Variants in SPOCK1 observed in about 807,000 individuals in gnomAD.
SPOCK1 encodes the protein testican-1.
Under a neutral mutation model 55.3 loss-of-function variants are expected in SPOCK1, and 23 were observed. That is an observed-to-expected ratio of 0.42 (90% confidence interval 0.30 to 0.59). The LOEUF (loss-of-function observed/expected upper bound fraction) is 0.59. Ranked by LOEUF, SPOCK1 falls within the 20% of genes least tolerant of loss-of-function variation. The pLI is 0.22. For synonymous variants in SPOCK1, 226 were observed against 221.0 expected, an observed-to-expected ratio of 1.02 and a Z score of -0.20; for missense variants, 499 against 552.5, an observed-to-expected ratio of 0.90 and a Z score of 0.97.
At chr5:137,414,981 C>T (rs930116214) in intron 2 of SPOCK1, among the ~76,000 whole-genome samples, 1 of 150,202 alleles carries the variant, frequency 6.7e-6, no homozygotes, top group African/African-American at 2.4e-5. Flanking sequence ...TGGCCTGAAT[C>T]CACAAATGAA....
At chr5:137,474,239 GA>G (rs199645459) in intron 2 of SPOCK1, among the ~76,000 whole-genome samples, 3 of 150,244 alleles carry the variant, frequency 2.0e-5, no homozygotes, top group South Asian at 2.1e-4. Context: ...AAAGAAAAAA[GA>G]AAAAAAAAGA....
At chr5:137,092,475 T>A (rs1225041126) in intron 5 of SPOCK1, among the ~76,000 whole-genome samples, 1 of 152,216 alleles carries the variant, frequency 6.6e-6, no homozygotes, top group Non-Finnish European at 1.5e-5. Flanking sequence ...ACTTCTCTTA[T>A]GTAACTCTGT....
At chr5:137,218,754 T>C (rs1486436803) in intron 3 of SPOCK1, among the ~76,000 whole-genome samples, 1 of 152,082 alleles carries the variant, frequency 6.6e-6, no homozygotes, top group Admixed American at 6.5e-5. Flanking sequence ...TTCCCCTACA[T>C]TTAAGGTGTA....
At chr5:137,051,929 G>C (rs1752215143) in intron 6 of SPOCK1, among the ~76,000 whole-genome samples, 1 of 152,152 alleles carries the variant, frequency 6.6e-6, no homozygotes, top group Admixed American at 6.5e-5. Context: ...CTTTTGACCT[G>C]AAAACTCTGT....
At chr5:137,448,891 C>T (rs1753188975) in intron 2 of SPOCK1, among the ~76,000 whole-genome samples, 1 of 152,190 alleles carries the variant, frequency 6.6e-6, no homozygotes, top group Admixed American at 6.5e-5. Flanking sequence ...TCAGAAAAGC[C>T]CTGCCTGAGA....
intron 2 of SPOCK1, among the ~76,000 whole-genome samples, chr5:137,381,357 TC>T (rs1751461685): frequency 6.6e-6 from 1 of 152,152 alleles, no homozygotes; most frequent in Non-Finnish European, 1.5e-5. Flanking sequence ...AGCCCTCTTT[TC>T]ATAGCTCCAC....
At chr5:137,383,045 G>A (rs1751510569) in intron 2 of SPOCK1, among the ~76,000 whole-genome samples, 1 of 152,176 alleles carries the variant, frequency 6.6e-6, no homozygotes, top group Admixed American at 6.5e-5. Flanking sequence ...TCGTGCCTCA[G>A]AAGTAGTAGG....
chr5:137,136,140 T>C (rs946010769), intron 4 of SPOCK1, among the ~76,000 whole-genome samples: 1 of 152,222 alleles, frequency 6.6e-6, no homozygotes, highest in Admixed American at 6.5e-5. Context: ...TCAGGCTTTT[T>C]GTGTCCTACT....
chr5:137,253,243 T>C (rs1756570804), intron 3 of SPOCK1, among the ~76,000 whole-genome samples: 1 of 152,214 alleles, frequency 6.6e-6, no homozygotes, highest in African/African-American at 2.4e-5. Flanking sequence ...TTCATGAAAC[T>C]GAAGCTCTAC....
chr5:137,264,825 ACATCT>A (rs1756814305), intron 3 of SPOCK1, among the ~76,000 whole-genome samples: 1 of 152,184 alleles, frequency 6.6e-6, no homozygotes, highest in African/African-American at 2.4e-5. Flanking sequence ...GTAATTGATG[ACATCT>A]GCTGGGGCTG....
chr5:137,125,096 C>CT (rs1345536815), intron 4 of SPOCK1, among the ~76,000 whole-genome samples: 1 of 152,212 alleles, frequency 6.6e-6, no homozygotes, highest in Non-Finnish European at 1.5e-5. Context: ...CTAACTCTTA[C>CT]TGTAAGCATC....
chr5:137,013,928 G>A (rs1490267546), intron 6 of SPOCK1, among the ~76,000 whole-genome samples: 1 of 152,116 alleles, frequency 6.6e-6, no homozygotes, highest in African/African-American at 2.4e-5. Flanking sequence ...GACAGTGGGG[G>A]CGCATCGGGG....
intron 3 of SPOCK1, among the ~76,000 whole-genome samples, chr5:137,242,357 G>C (rs933046217): frequency 6.6e-6 from 1 of 152,198 alleles, no homozygotes; most frequent in African/African-American, 2.4e-5. Context: ...CATGAGATCT[G>C]ATGGTTTTAT....
intron 2 of SPOCK1, among the ~76,000 whole-genome samples, chr5:137,479,993 C>T (rs1753916325): frequency 6.6e-6 from 1 of 152,136 alleles, no homozygotes; most frequent in African/African-American, 2.4e-5. Flanking sequence ...CATTCATCCC[C>T]ACTCAGACTC....
chr5:137,164,535 TGAGA>T (rs1754613588), intron 3 of SPOCK1, among the ~76,000 whole-genome samples: 1 of 152,106 alleles, frequency 6.6e-6, no homozygotes, highest in Non-Finnish European at 1.5e-5. Flanking sequence ...GTGGCTACAG[TGAGA>T]GACTCAGGGA....
chr5:136,992,394 TAATG>T, intron 7 of SPOCK1, 86 bp downstream of exon 7: 1 of 964,700 alleles, frequency 1.0e-6, no homozygotes, highest in South Asian at 1.7e-5. Context: ...ATATTTAATG[TAATG>T]GGTGTTTTTC....
At chr5:137,471,978 G>A (rs1753746587) in intron 2 of SPOCK1, among the ~76,000 whole-genome samples, 1 of 152,178 alleles carries the variant, frequency 6.6e-6, no homozygotes, top group Non-Finnish European at 1.5e-5. Flanking sequence ...GGAGAACAGA[G>A]CAACTGACAA....
chr5:137,070,714 C>T (rs190689584), intron 5 of SPOCK1, among the ~76,000 whole-genome samples: 3 of 152,324 alleles, frequency 2.0e-5, no homozygotes, highest in Admixed American at 6.5e-5. Context: ...CCTGCTCACC[C>T]CAGCCTATCA....
chr5:137,458,020 T>C (rs1433925253), intron 2 of SPOCK1, among the ~76,000 whole-genome samples: 1 of 152,192 alleles, frequency 6.6e-6, no homozygotes. Context: ...TGAGGTGTCT[T>C]TTAAAGAGAG....
Sources: allele counts gnomAD v4.1 joint callset (sites outside exome capture counted in the v4.1 genomes callset), GRCh38; gene constraint gnomAD v4.1.1; transcripts MANE v1.5; gene names NCBI Gene and HGNC (gene_info 2026-07-23, HGNC 2026-07-21).